Variants in TCF4 observed in about 807,000 individuals in gnomAD.
TCF4 encodes the protein transcription factor 4.
Under a neutral mutation model 82.1 loss-of-function variants are expected in TCF4, and 3 were observed. That is an observed-to-expected ratio of 0.04 (90% confidence interval 0.02 to 0.09). The LOEUF is 0.09. Ranked by LOEUF, TCF4 falls within the 10% of genes least tolerant of loss-of-function variation. The pLI, the probability that TCF4 is intolerant of heterozygous loss-of-function variation, is 1.00. For missense variants in TCF4, 518 were observed against 852.7 expected (o/e 0.61, Z 4.89); for synonymous variants, 276 against 309.6 (o/e 0.89, Z 1.14).
chr18:55,441,675 G>C (rs1039269311), intron 5 of TCF4, among the ~76,000 whole-genome samples: 1 of 152,062 alleles, frequency 6.6e-6, no homozygotes, highest in East Asian at 1.9e-4. Flanking sequence ...AGTAAAATAA[G>C]TACTACTACA....
chr18:55,509,934 G>T (rs2096806968), intron 3 of TCF4, among the ~76,000 whole-genome samples: 1 of 152,120 alleles, frequency 6.6e-6, no homozygotes, highest in Admixed American at 6.6e-5. Context: ...ACTTTCTTTG[G>T]AATTCTTCAT....
chr18:55,478,043 A>T (rs142237424), intron 3 of TCF4, among the ~76,000 whole-genome samples: 61 of 152,310 alleles, frequency 4.0e-4, no homozygotes, highest in African/African-American at 1.4e-3. Context: ...GTGTGAAAGG[A>T]GATAGAGGCA....
intron 3 of TCF4, among the ~76,000 whole-genome samples, chr18:55,490,288 A>G (rs2096562651): frequency 6.6e-6 from 1 of 152,114 alleles, no homozygotes; most frequent in Admixed American, 6.5e-5. Context: ...TTATTTAGAT[A>G]TATTTATTTA....
intron 3 of TCF4, among the ~76,000 whole-genome samples, chr18:55,506,846 T>A (rs1310103792): frequency 1.3e-5 from 2 of 151,796 alleles, no homozygotes; most frequent in Non-Finnish European, 2.9e-5. Context: ...AACCTCAGCA[T>A]ATGATCTTTC....
At chr18:55,431,185 A>G (rs1451714796) in intron 5 of TCF4, among the ~76,000 whole-genome samples, 2 of 152,224 alleles carry the variant, frequency 1.3e-5, no homozygotes, top group Non-Finnish European at 2.9e-5. Context: ...AGCTCTTCTA[A>G]GATCACCTAC....
intron 5 of TCF4, among the ~76,000 whole-genome samples, chr18:55,406,126 C>CTTTTTTTTTTTTTTTTT (rs34522468): frequency 8.6e-6 from 1 of 116,102 alleles, no homozygotes; most frequent in Non-Finnish European, 1.8e-5. Flanking sequence ...GGGAGGTGGA[C>CTTTTTTTTTTTTTTTTT]TTTTTTTTTT....
intron 18 of TCF4, 114 bp from the exon 19 acceptor site, chr18:55,228,475 A>G: frequency 7.0e-7 from 1 of 1,437,982 alleles, no homozygotes; most frequent in Non-Finnish European, 9.6e-7. Flanking sequence ...ATTACAGAAC[A>G]AAAGGAACAG....
chr18:55,405,928 C>T (rs890840783), intron 5 of TCF4, among the ~76,000 whole-genome samples: 6 of 152,002 alleles, frequency 3.9e-5, no homozygotes, highest in Non-Finnish European at 8.8e-5. Context: ...CAAAAATAAA[C>T]CCACTGCAAA....
Position 55,232,627 on chromosome 18 carries a change from A to G in TCF4, c.1531T>C (p.Ser511Pro). Residue 511 changes from serine (S) to proline (P), a missense_variant, in exon 17 of 20, where the codon TCT becomes CCT. Transcript: ENST00000354452. The stretch of plus-strand genomic sequence containing the variant: ...CCCTCGTCATCGGATTTGATCTCAG[A>G]GCTGCCAGAGGAGACACTCTGCCCC... ...LQGQSVSSGS[S>P]EIKSDDEGDE... 2 of 1,614,118 alleles carry G rather than the reference A, an allele frequency of 1.2e-6. No homozygotes were observed. Among genetic ancestry groups the G allele is most frequent in the Non-Finnish European group, 1.7e-6 (2 of 1,180,016 alleles).
At chr18:55,510,316 T>C (rs1397993162) in intron 3 of TCF4, among the ~76,000 whole-genome samples, 1 of 152,180 alleles carries the variant, frequency 6.6e-6, no homozygotes, top group African/African-American at 2.4e-5. Flanking sequence ...TTCAGGCATT[T>C]TGGTAGAGAT....
intron 14 of TCF4, among the ~76,000 whole-genome samples, chr18:55,256,356 T>G (rs187807119): frequency 6.6e-6 from 1 of 152,228 alleles, no homozygotes; most frequent in East Asian, 1.9e-4. Context: ...CTAAAACAAC[T>G]AATTATGTGG....
Position 55,516,385 on chromosome 18 carries a change from T to G in TCF4, c.146-52248A>C, listed in dbSNP as rs535878736. Among the ~76,000 whole-genome samples the G allele has an allele frequency of 9.7e-4, 146 of 151,178 alleles. 1 individual carries two copies. The highest frequency in any genetic ancestry group is 3.4e-3 in the Middle Eastern group (1 of 292). On this transcript the variant is annotated intron_variant, in intron 3 of 19. Coordinates refer to ENST00000354452, the MANE Select transcript of TCF4 (RefSeq NM_001083962.2). The stretch of plus-strand genomic sequence containing the variant: ...ATAATATACTGTCTGGTTTTTTGGG[T>G]TTTTTTTTAAAGGTTTATAAGCAAA...
intron 8 of TCF4, among the ~76,000 whole-genome samples, chr18:55,346,906 G>A (rs1028262375): frequency 1.3e-5 from 2 of 152,032 alleles, no homozygotes; most frequent in African/African-American, 4.8e-5. Context: ...GTTAATTTCT[G>A]TTAAGAATCA....
At chr18:55,527,968 C>T (rs188964829) in intron 3 of TCF4, among the ~76,000 whole-genome samples, 4 of 152,166 alleles carry the variant, frequency 2.6e-5, no homozygotes, top group Admixed American at 1.3e-4. Flanking sequence ...GAAAAAGAAG[C>T]CAGAGCTAAG....
chr18:55,585,989 C>T lies in TCF4; in HGVS notation c.73-637G>A, dbSNP rs2097641165. 3.0e-6 allele frequency: 4 copies of T among 1,332,346 alleles called. No homozygotes were observed. The African/African-American group carries it at 5.8e-5, about 19-fold the overall frequency. The allele number at this position is 1,332,346 out of a possible 1,614,324, so 82.5% of individuals were successfully genotyped here. A position where few individuals can be genotyped will look rare whatever the true frequency, so the allele number is the denominator to read the frequency against. ...AATGCACACCTTCCCTGAGTCAGAGCCTGCAAAAAGCAAAGGAACGAATGG... is the reference window on the plus strand; with the variant it reads ...AATGCACACCTTCCCTGAGTCAGAGTCTGCAAAAAGCAAAGGAACGAATGG... On this transcript the variant is annotated intron_variant, in intron 2 of 19. Transcript: ENST00000354452.
intron 6 of TCF4, among the ~76,000 whole-genome samples, chr18:55,359,896 C>T (rs1390556240): frequency 6.6e-6 from 1 of 152,170 alleles, no homozygotes; most frequent in African/African-American, 2.4e-5. Context: ...CACATGATGG[C>T]TTACCTTTGT....
At chr18:55,503,484 A>G (rs1306953877) in intron 3 of TCF4, among the ~76,000 whole-genome samples, 1 of 152,220 alleles carries the variant, frequency 6.6e-6, no homozygotes, top group Non-Finnish European at 1.5e-5. Context: ...TCCTCCTCAT[A>G]GAATAGATGA....
intron 8 of TCF4, chr18:55,302,660 T>G (rs2068700235): frequency 6.8e-7 from 1 of 1,470,444 alleles, no homozygotes; most frequent in South Asian, 1.3e-5. Flanking sequence ...GGCCTGTGGC[T>G]GGCCTAGGGG....
chr18:55,321,464 G>C (rs2075465769), intron 8 of TCF4: 2 of 731,482 alleles, frequency 2.7e-6, no homozygotes, highest in South Asian at 1.7e-5. Flanking sequence ...TTCTACTCTG[G>C]GGGAGGAGTG....
Sources: allele counts gnomAD v4.1 joint callset (sites outside exome capture counted in the v4.1 genomes callset), GRCh38; gene constraint gnomAD v4.1.1; transcripts MANE v1.5; gene names NCBI Gene and HGNC (gene_info 2026-07-23, HGNC 2026-07-21).